The following TENM1 variants were observed in gnomAD, a reference collection of about 807,000 sequenced individuals.
TENM1 encodes the protein teneurin-1.
In TENM1, 35 loss-of-function variants were observed where a neutral mutation model predicts 174.8. The observed-to-expected ratio is 0.20, with a 90% CI of 0.15 to 0.27. The LOEUF (loss-of-function observed/expected upper bound fraction) is 0.27. TENM1 is among the 10% of genes least tolerant of loss of function. TENM1 has a pLI of 1.00. For synonymous variants in TENM1, 781 were observed against 798.7 expected, an observed-to-expected ratio of 0.98 and a Z score of 0.37; for missense variants, 1,633 against 2,130.1, an observed-to-expected ratio of 0.77 and a Z score of 4.59.
At chrX:125,126,773 G>T in the TENM1 span, among the ~76,000 whole-genome samples, 1 of 110,129 alleles carries the variant, frequency 9.1e-6, no homozygotes, top group Non-Finnish European at 1.9e-5. Flanking sequence ...TAGAAATGCC[G>T]ATTTGTTGGT....
At chrX:124,712,906 T>G (rs539090140) in intron 4 of TENM1, among the ~76,000 whole-genome samples, 2 of 112,588 alleles carry the variant, frequency 1.8e-5, no homozygotes, top group South Asian at 7.4e-4. Context: ...CAGCCCCATT[T>G]TCTTCTCTAA....
intron 3 of TENM1, among the ~76,000 whole-genome samples, chrX:124,857,895 A>G (rs2056843522): frequency 9.0e-6 from 1 of 111,250 alleles, no homozygotes; most frequent in Non-Finnish European, 1.9e-5. Flanking sequence ...ATATAGAAGA[A>G]AATAAAGAAA....
chrX:124,603,175 C>T (rs1194476226), intron 11 of TENM1, among the ~76,000 whole-genome samples: 1 of 111,257 alleles, frequency 9.0e-6, no homozygotes, highest in African/African-American at 3.3e-5. Context: ...GACTTCTAGC[C>T]TCCAGAACTG....
the TENM1 span, among the ~76,000 whole-genome samples, chrX:125,034,017 C>G: frequency 9.0e-6 from 1 of 111,609 alleles, no homozygotes; most frequent in Non-Finnish European, 1.9e-5. Flanking sequence ...TACAACAACA[C>G]TGTGAGACAG....
the TENM1 span, among the ~76,000 whole-genome samples, chrX:125,076,417 G>T: frequency 8.9e-6 from 1 of 111,838 alleles, no homozygotes; most frequent in South Asian, 3.7e-4. Context: ...AACCAACACA[G>T]TGATGAATAA....
chrX:124,793,282 G>T (rs1338675151), intron 3 of TENM1, among the ~76,000 whole-genome samples: 1 of 110,802 alleles, frequency 9.0e-6, no homozygotes, highest in African/African-American at 3.3e-5. Flanking sequence ...TATTTTTAAG[G>T]GGCAAAGGGC....
At chrX:124,817,134 C>T (rs1027725155) in intron 3 of TENM1, among the ~76,000 whole-genome samples, 5 of 110,892 alleles carry the variant, frequency 4.5e-5, no homozygotes, top group African/African-American at 6.6e-5. Context: ...TGAGAACATG[C>T]GGTGTTTGGC....
chrX:125,007,726 A>G, the TENM1 span, among the ~76,000 whole-genome samples: 27 of 111,946 alleles, frequency 2.4e-4, no homozygotes, highest in African/African-American at 8.8e-4. Flanking sequence ...AGTGGGGGCC[A>G]ATATTCAACA....
At chrX:125,058,517 G>C in the TENM1 span, among the ~76,000 whole-genome samples, 1 of 111,871 alleles carries the variant, frequency 8.9e-6, no homozygotes, top group South Asian at 3.7e-4. Flanking sequence ...ATATGAAAGA[G>C]TGTCCATGCA....
At chrX:125,180,835 G>C in the TENM1 span, among the ~76,000 whole-genome samples, 1 of 111,538 alleles carries the variant, frequency 9.0e-6, no homozygotes, top group Non-Finnish European at 1.9e-5. Flanking sequence ...CAGGGTATTT[G>C]ATATTTCTCT....
At chrX:124,957,057 A>G (rs1197419907) in intron 1 of TENM1, among the ~76,000 whole-genome samples, 1 of 112,266 alleles carries the variant, frequency 8.9e-6, no homozygotes, top group African/African-American at 3.2e-5. Context: ...ATACTGGGGC[A>G]AAAAGAGAGA....
chrX:124,591,942 T>C (rs2049755877), intron 11 of TENM1, among the ~76,000 whole-genome samples: 1 of 112,020 alleles, frequency 8.9e-6, no homozygotes, highest in East Asian at 2.8e-4. Flanking sequence ...TTATTTATTT[T>C]GTCAGACTGG....
At chrX:125,200,652 T>TGAGA in the TENM1 span, among the ~76,000 whole-genome samples, 177 of 81,250 alleles carry the variant, frequency 2.2e-3, 1 homozygote, top group African/African-American at 4.7e-3. Flanking sequence ...TGTGTGTGTG[T>TGAGA]GTGAGAGAGA....
At chrX:125,005,697 C>T in the TENM1 span, among the ~76,000 whole-genome samples, 207 of 110,032 alleles carry the variant, frequency 1.9e-3, no homozygotes, top group Non-Finnish European at 3.3e-3. Flanking sequence ...TATCTCATTG[C>T]GACTTGTTAG....
chrX:124,718,757 A>C (rs908492510), intron 4 of TENM1, among the ~76,000 whole-genome samples: 3 of 112,151 alleles, frequency 2.7e-5, no homozygotes, highest in African/African-American at 9.7e-5. Flanking sequence ...TTTGAGTAAA[A>C]AGTGATCCAG....
At chrX:124,611,126 C>T (rs2050269076) in intron 11 of TENM1, among the ~76,000 whole-genome samples, 1 of 111,907 alleles carries the variant, frequency 8.9e-6, no homozygotes, top group African/African-American at 3.2e-5. Flanking sequence ...TTCATTCATG[C>T]TACATGTGCA....
intron 3 of TENM1, among the ~76,000 whole-genome samples, chrX:124,767,096 A>G (rs759298563): frequency 1.8e-5 from 2 of 110,990 alleles, no homozygotes; most frequent in East Asian, 5.7e-4. Context: ...CTATCTCTCT[A>G]CTCTGCATAA....
intron 3 of TENM1, among the ~76,000 whole-genome samples, chrX:124,841,474 G>C (rs1410474755): frequency 9.0e-6 from 1 of 111,231 alleles, no homozygotes; most frequent in African/African-American, 3.3e-5. Context: ...GACAAAACAA[G>C]GCGCAGAGGA....
chrX:124,417,513 A>G (rs1438820775), intron 25 of TENM1, among the ~76,000 whole-genome samples: 1 of 111,317 alleles, frequency 9.0e-6, no homozygotes, highest in African/African-American at 3.3e-5. Flanking sequence ...TGCCTGGCCC[A>G]TATCTTCAAT....
Sources: gnomAD v4.1 joint callset for allele counts (sites outside exome capture counted in the v4.1 genomes callset) on GRCh38, gnomAD v4.1.1 for gene constraint, MANE v1.5 for transcripts, NCBI Gene and HGNC (gene_info 2026-07-23, HGNC 2026-07-21) for gene names.